Variants in JAKMIP1 observed in about 807,000 individuals in gnomAD.
JAKMIP1 encodes janus kinase and microtubule-interacting protein 1.
In JAKMIP1, 33 loss-of-function variants were observed where a neutral mutation model predicts 113.0. The observed-to-expected ratio is 0.29, with a 90% CI of 0.22 to 0.39. The LOEUF (loss-of-function observed/expected upper bound fraction) is 0.39, where lower values mean the gene tolerates loss of function less well. JAKMIP1 is among the 10% of genes least tolerant of loss of function. The pLI, the probability that JAKMIP1 is intolerant of heterozygous loss-of-function variation, is 1.00. For synonymous variants in JAKMIP1, 480 were observed against 459.9 expected (o/e 1.04, Z -0.56); for missense variants, 813 against 1,080.5 (o/e 0.75, Z 3.47).
chr4:6,145,990 G>A (rs543734502), intron 1 of JAKMIP1, among the ~76,000 whole-genome samples: 4 of 152,224 alleles, frequency 2.6e-5, no homozygotes, highest in Admixed American at 2.0e-4. Flanking sequence ...AGGAACTTTG[G>A]GGGGACACAT....
chr4:6,085,505 A>T lies in JAKMIP1; in HGVS notation c.749T>A (p.Val250Asp). Reference sequence around the variant, plus strand: ...ACTGTGGTGCCGCTCGGCCTCCTTGACCTGAACCAGCTGCTCATCCAAAGC... The same window carrying T: ...ACTGTGGTGCCGCTCGGCCTCCTTGTCCTGAACCAGCTGCTCATCCAAAGC... Reference protein sequence around the residue: ...KEALDEQLVQVKEAERHHSSP... With the variant: ...KEALDEQLVQDKEAERHHSSP... The change falls in exon 4 of 21, where the codon GTC becomes GAC. Residue 250 changes from valine to aspartate, a missense_variant. This residue lies in a region of JAKMIP1 where 540 missense variants were observed against 653.9 expected (regional missense o/e 0.83). Transcript: ENST00000409021. 1 of 1,614,136 alleles carries T rather than the reference A, an allele frequency of 6.2e-7. No individual in the cohort carries two copies. Among genetic ancestry groups the T allele is most frequent in the Non-Finnish European group, 8.5e-7 (1 of 1,180,032 alleles).
Position 6,120,628 on chromosome 4 carries a change from G to A in JAKMIP1, c.-147-7631C>T, listed in dbSNP as rs578076289. ...TGCTTCTCATCAGTTCACATCCCAC[G>A]ATTTTCAGTTTCGTTTAAAATCCAG... On this transcript the variant is annotated intron_variant, in intron 1 of 20. Coordinates refer to ENST00000409021, the MANE Select transcript of JAKMIP1 (RefSeq NM_001099433.2). Among the ~76,000 whole-genome samples the A allele has an allele frequency of 2.6e-5, 4 of 152,316 alleles. No individual in the cohort carries two copies. In the East Asian group the frequency reaches 5.8e-4, roughly 22 times the overall value.
At chr4:6,171,154 C>CATT in intron 1 of JAKMIP1, among the ~76,000 whole-genome samples, 1 of 150,638 alleles carries the variant, frequency 6.6e-6, no homozygotes, top group Non-Finnish European at 1.5e-5. Flanking sequence ...CCATCATCAC[C>CATT]ACCACCATCT....
At chr4:6,151,115 C>T (rs558090896) in intron 1 of JAKMIP1, among the ~76,000 whole-genome samples, 2 of 152,306 alleles carry the variant, frequency 1.3e-5, no homozygotes, top group African/African-American at 4.8e-5. Flanking sequence ...ATTCAAGCTC[C>T]TGAGCTTGTC....
chr4:6,186,525 G>A lies in JAKMIP1; in HGVS notation c.-148+13728C>T, dbSNP rs894743677. Among the ~76,000 whole-genome samples, 9 of 152,160 alleles carry A rather than the reference G, an allele frequency of 5.9e-5. No individual in the cohort carries two copies. The highest frequency in any genetic ancestry group is 1.2e-4 in the African/African-American group (5 of 41,430). The stretch of plus-strand genomic sequence containing the variant: ...CTTCATTGCATTGTAGTCACAGAAC[G>A]TGCTTTGCTTTTTTGTTTGCTTGTT... On this transcript the variant is annotated intron_variant, in intron 1 of 20. Coordinates refer to ENST00000409021, the MANE Select transcript of JAKMIP1 (RefSeq NM_001099433.2). This position sits in a 1 kb window ranked among gnomAD's most constrained non-coding sequence, Gnocchi z 5.5.
At chr4:6,068,517 C>T (rs1191493241) in intron 8 of JAKMIP1, among the ~76,000 whole-genome samples, 1 of 152,014 alleles carries the variant, frequency 6.6e-6, no homozygotes. Context: ...GGGACCCAAC[C>T]CCTCAGGTTT....
chr4:6,177,292 G>A (rs1219679342), intron 1 of JAKMIP1, among the ~76,000 whole-genome samples: 1 of 152,212 alleles, frequency 6.6e-6, no homozygotes, highest in African/African-American at 2.4e-5. Flanking sequence ...GCACAGATGG[G>A]ATGTGGAGTC....
At chr4:6,105,381 A>G in intron 3 of JAKMIP1, 92 bp downstream of exon 3, 3 of 1,306,270 alleles carry the variant, frequency 2.3e-6, no homozygotes, top group African/African-American at 1.5e-5. Context: ...CAATGCCTGG[A>G]GCACAGCAGG....
rs1323455821 is a variant in JAKMIP1, at chr4:6,059,930, C to T, written c.1644+494G>A. 6.6e-6 allele frequency among the ~76,000 whole-genome samples: 1 copy of T among 152,148 alleles called. No individual in the cohort carries two copies. The highest frequency in any genetic ancestry group is 1.5e-5 in the Non-Finnish European group (1 of 68,036). ...TCTGCTGTGTCTCACTGTCAACCAG[C>T]CTTGCCTAATCAAATGCAGTGGATG... On this transcript the variant is annotated intron_variant, in intron 11 of 20. Coordinates refer to ENST00000409021, the MANE Select transcript of JAKMIP1 (RefSeq NM_001099433.2). This position sits in a 1 kb window ranked among gnomAD's most constrained non-coding sequence, Gnocchi z 4.8.
chr4:6,112,671 C>T (rs1715136663), intron 2 of JAKMIP1, 51 bp downstream of exon 2: 1 of 1,596,700 alleles, frequency 6.3e-7, no homozygotes, highest in Admixed American at 1.7e-5. Flanking sequence ...GCAACACTGC[C>T]CAAAGGGACA....
chr4:6,067,628 C>T lies in JAKMIP1; in HGVS notation c.1303-2620G>A, dbSNP rs552901048. ...AGGTCACCCCCCTGAGCTCCAGGTT[C>T]ACTCAAGCTCTTCTGCACACACACA... is the stretch of plus-strand genomic sequence containing the variant. On this transcript the variant is annotated intron_variant, in intron 8 of 20. Transcript: ENST00000409021. The surrounding 1 kb of genome is among the most constrained non-coding windows in gnomAD (Gnocchi z 4.6). Among the ~76,000 whole-genome samples, 765 of 147,574 alleles carry T rather than the reference C, an allele frequency of 5.2e-3. 8 individuals carry two copies. Among genetic ancestry groups the T allele is most frequent in the African/African-American group, 0.018 (724 of 39,476 alleles).
intron 17 of JAKMIP1, among the ~76,000 whole-genome samples, chr4:6,041,854 G>A (rs1012020425): frequency 6.6e-6 from 1 of 152,162 alleles, no homozygotes; most frequent in African/African-American, 2.4e-5. Context: ...ATGAACGCAT[G>A]ACCCTGCAGG....
At position 6,180,583 on chromosome 4, in the gene JAKMIP1, G is replaced by A. The variant is rs55760704; in HGVS notation, c.-148+19670C>T. ...AGTCACCATTTATATAGCTCTCACT[G>A]TGTAGCAGGAACTGTTTCAAACTGT... On this transcript the variant is annotated intron_variant, in intron 1 of 20. Transcript: ENST00000409021. The surrounding 1 kb of genome is among the most constrained non-coding windows in gnomAD (Gnocchi z 4.5). 0.1 allele frequency among the ~76,000 whole-genome samples: 15,432 copies of A among 152,198 alleles called. 945 individuals are homozygous for A. Among genetic ancestry groups the A allele is most frequent in the African/African-American group, 0.16 (6,794 of 41,518 alleles).
Position 6,029,698 on chromosome 4 carries a change from T to G in JAKMIP1, c.2445+18A>C. 6.4e-7 allele frequency: 1 copy of G among 1,558,772 alleles called. No individual in the cohort carries two copies. Among genetic ancestry groups the G allele is most frequent in the Non-Finnish European group, 8.8e-7 (1 of 1,137,654 alleles). On this transcript the variant is annotated intron_variant, in intron 20 of 20. Coordinates refer to ENST00000409021, the MANE Select transcript of JAKMIP1 (RefSeq NM_001099433.2). Reference sequence around the variant, plus strand: ...CATGGAAAGAAACCTGGGGACAGTCTGAGCTGCAGTCACCTACCTTTTCCT... The same window carrying G: ...CATGGAAAGAAACCTGGGGACAGTCGGAGCTGCAGTCACCTACCTTTTCCT...
chr4:6,115,733 C>A (rs966928590), intron 1 of JAKMIP1, among the ~76,000 whole-genome samples: 1 of 152,110 alleles, frequency 6.6e-6, no homozygotes, highest in African/African-American at 2.4e-5. Context: ...TTAAGAAAGG[C>A]AAGAAAAATA....
rs2109053694 is a variant in JAKMIP1 at position 6,188,197 on chromosome 4, A to T, written c.-148+12056T>A. Among the ~76,000 whole-genome samples the T allele has an allele frequency of 6.6e-6, 1 of 152,312 alleles. No homozygotes were observed. The highest frequency in any genetic ancestry group is 2.1e-4 in the South Asian group (1 of 4,826). On this transcript the variant is annotated intron_variant, in intron 1 of 20. Coordinates refer to ENST00000409021, the MANE Select transcript of JAKMIP1 (RefSeq NM_001099433.2). The surrounding 1 kb of genome is among the most constrained non-coding windows in gnomAD (Gnocchi z 5.8). ...CAGCTTCCTGGGTTGGAAGATTGGA[A>T]GTCTACAGCTTGACCTTCTTACAAG...
Position 6,193,087 on chromosome 4 carries a change from T to C in JAKMIP1, c.-148+7166A>G, listed in dbSNP as rs560950343. Among the ~76,000 whole-genome samples the C allele has an allele frequency of 6.6e-6, 1 of 152,268 alleles. No homozygotes were observed. The highest frequency in any genetic ancestry group is 6.5e-5 in the Admixed American group (1 of 15,298). On this transcript the variant is annotated intron_variant, in intron 1 of 20. Coordinates refer to ENST00000409021, the MANE Select transcript of JAKMIP1 (RefSeq NM_001099433.2). The surrounding 1 kb of genome is among the most constrained non-coding windows in gnomAD (Gnocchi z 6.4). ...CTAGAATAAAGCAGGCAGGAGAAGA[T>C]GGAAGAGCAAACTTGCTGAGTCTTC... is the stretch of plus-strand genomic sequence containing the variant.
In JAKMIP1 at chr4:6,135,348, G is replaced by A. The variant is rs1008875788; in HGVS notation, c.-147-22351C>T. Among the ~76,000 whole-genome samples, 7 of 152,104 alleles carry A rather than the reference G, an allele frequency of 4.6e-5. No homozygotes were observed. The highest frequency in any genetic ancestry group is 2.4e-5 in the African/African-American group (1 of 41,430). ...AAGGAAGACCATGTGAGGACATGGGGAGAAGACGGCCGTCTACAAGCCAAG... is the reference window on the plus strand; with the variant it reads ...AAGGAAGACCATGTGAGGACATGGGAAGAAGACGGCCGTCTACAAGCCAAG... On this transcript the variant is annotated intron_variant, in intron 1 of 20. Transcript: ENST00000409021. The surrounding 1 kb of genome is among the most constrained non-coding windows in gnomAD (Gnocchi z 4.9).
chr4:6,096,767 C>A (rs1466322058), intron 3 of JAKMIP1, among the ~76,000 whole-genome samples: 1 of 152,166 alleles, frequency 6.6e-6, no homozygotes, highest in Non-Finnish European at 1.5e-5. Context: ...AATATTTGCA[C>A]ATACATAGTG....
Sources: allele counts gnomAD v4.1 joint callset (sites outside exome capture counted in the v4.1 genomes callset), GRCh38; gene constraint gnomAD v4.1.1; regional missense constraint gnomAD v4.1.1; non-coding constraint Gnocchi (gnomAD v3.1); transcripts MANE v1.5; gene names NCBI Gene and HGNC (gene_info 2026-07-23, HGNC 2026-07-21).